Variants in OR51B5 observed in about 807,000 individuals in gnomAD.
OR51B5 encodes the protein olfactory receptor 51B5.
For missense variants in OR51B5, 456 were observed against 374.6 expected (o/e 1.22, Z -1.79); for synonymous variants, 186 against 144.8 (o/e 1.28, Z -2.04).
chr11:5,437,469 A>G (rs148228005), intron 1 of OR51B5, among the ~76,000 whole-genome samples: 1 of 152,262 alleles, frequency 6.6e-6, no homozygotes, highest in Non-Finnish European at 1.5e-5. Context: ...TCCCACTCCC[A>G]TGGTCTGCCA....
chr11:5,429,340 A>C (rs1850498065), intron 1 of OR51B5, among the ~76,000 whole-genome samples: 1 of 152,166 alleles, frequency 6.6e-6, no homozygotes, highest in African/African-American at 2.4e-5. Context: ...TGGAAGAACC[A>C]ATCAGTGACT....
intron 1 of OR51B5, among the ~76,000 whole-genome samples, chr11:5,480,647 T>C (rs901520453): frequency 4.6e-5 from 7 of 151,136 alleles, no homozygotes; most frequent in Admixed American, 1.3e-4. Flanking sequence ...AAGAATCAAA[T>C]AGATGCAATA....
chr11:5,481,844 G>T (rs1188931715), intron 1 of OR51B5, among the ~76,000 whole-genome samples: 8 of 140,178 alleles, frequency 5.7e-5, no homozygotes, highest in East Asian at 2.2e-4. Context: ...CACTGCTCAA[G>T]GAAATAAAAG....
chr11:5,441,176 C>T (rs763290743), intron 1 of OR51B5: 3 of 1,613,428 alleles, frequency 1.9e-6, no homozygotes, highest in Admixed American at 1.7e-5. Context: ...GTATGCCTGA[C>T]TCCATGAAGG....
At chr11:5,419,974 A>G (rs186960794) in intron 1 of OR51B5, among the ~76,000 whole-genome samples, 2 of 151,570 alleles carry the variant, frequency 1.3e-5, no homozygotes, top group Admixed American at 6.6e-5. Context: ...TTACATTTCA[A>G]TGTGCTTAAT....
At chr11:5,352,574 T>C in intron 1 of OR51B5, 1 of 637,910 alleles carries the variant, frequency 1.6e-6, no homozygotes. Context: ...TCAGTGGAAA[T>C]CAGTCAATCC....
At chr11:5,400,326 T>C (rs1313262715) in intron 1 of OR51B5, among the ~76,000 whole-genome samples, 30 of 152,176 alleles carry the variant, frequency 2.0e-4, no homozygotes, top group Non-Finnish European at 1.5e-5. Context: ...ATAGCAAAAA[T>C]ATGAAAAAAT....
At chr11:5,491,439 C>A (rs963714198) in intron 1 of OR51B5, among the ~76,000 whole-genome samples, 1 of 152,164 alleles carries the variant, frequency 6.6e-6, no homozygotes, top group African/African-American at 2.4e-5. Flanking sequence ...ACAGTCATGT[C>A]TTGGCCCAGA....
At position 5,342,834 on chromosome 11, in the gene OR51B5, C is replaced by A. The variant is rs780575607; in HGVS notation, c.691G>T (p.Glu231Ter). 6.2e-7 allele frequency: 1 copy of A among 1,612,570 alleles called. No homozygotes were observed. The highest frequency in any genetic ancestry group is 8.5e-7 in the Non-Finnish European group (1 of 1,178,740). ...CAGGTAATGAGAGCCTTGGCCCTCT[C>A]CTCTCTGGAGGCAATGCTCAGGACA... Residue 231 changes from glutamate (E) to a stop codon, truncating the protein, a stop_gained, in exon 1 of 1, where the codon GAG (glutamate) becomes TAG (stop). Coordinates refer to ENST00000300773, the Ensembl canonical transcript of OR51B5. LOFTEE classifies it low-confidence loss of function (END_TRUNC).
At chr11:5,376,735 A>G (rs1849534688) in intron 1 of OR51B5, among the ~76,000 whole-genome samples, 3 of 151,968 alleles carry the variant, frequency 2.0e-5, no homozygotes. Context: ...TCCTGGACAC[A>G]TACACTATCC....
At chr11:5,383,379 A>G (rs1849640093) in intron 1 of OR51B5, among the ~76,000 whole-genome samples, 1 of 152,198 alleles carries the variant, frequency 6.6e-6, no homozygotes. Flanking sequence ...AAATGAGTGC[A>G]GGAGTGAGAG....
intron 1 of OR51B5, among the ~76,000 whole-genome samples, chr11:5,357,151 A>G (rs999521867): frequency 6.6e-6 from 1 of 152,192 alleles, no homozygotes; most frequent in Non-Finnish European, 1.5e-5. Context: ...TAAATGGGCT[A>G]AATGCTCCAG....
chr11:5,408,240 T>G (rs562557352), intron 1 of OR51B5, among the ~76,000 whole-genome samples: 2 of 152,244 alleles, frequency 1.3e-5, no homozygotes, highest in South Asian at 4.1e-4. Flanking sequence ...TCCTCATCCT[T>G]TAATTTTATC....
intron 1 of OR51B5, among the ~76,000 whole-genome samples, chr11:5,423,599 T>C (rs1273200319): frequency 3.3e-5 from 5 of 152,168 alleles, no homozygotes; most frequent in East Asian, 1.9e-4. Flanking sequence ...TCACGGGTGA[T>C]TGGACTTTCC....
intron 1 of OR51B5, among the ~76,000 whole-genome samples, chr11:5,493,228 C>T (rs376085): frequency 0.13 from 19,278 of 152,162 alleles, 1,395 homozygotes; most frequent in East Asian, 0.21. Context: ...TCCACCCCAT[C>T]TCACTGGGGT....
At chr11:5,461,092 C>G (rs945188747) in intron 1 of OR51B5, among the ~76,000 whole-genome samples, 2 of 151,962 alleles carry the variant, frequency 1.3e-5, no homozygotes, top group Non-Finnish European at 2.9e-5. Context: ...CTGGCTGCAG[C>G]TGGGGGGCTG....
intron 1 of OR51B5, among the ~76,000 whole-genome samples, chr11:5,445,942 C>A (rs1374087371): frequency 6.6e-6 from 1 of 152,002 alleles, no homozygotes; most frequent in African/African-American, 2.4e-5. Flanking sequence ...ATGCTGAGTT[C>A]ATGTCCTTTG....
At chr11:5,352,473 A>C (rs909166678) in intron 1 of OR51B5, 6 of 1,428,224 alleles carry the variant, frequency 4.2e-6, no homozygotes, top group Middle Eastern at 1.8e-4. Flanking sequence ...TCTGAGGAAT[A>C]ATTCAGGGGA....
chr11:5,465,619 A>G lies in OR51B5; in HGVS notation n.84+39950T>C, dbSNP rs372670709. ...TGGTACCAAAACAGAGATATAGATC[A>G]ATGGAACAGAACAGAGCCCTCAGAA... On this transcript the variant is annotated intron_variant and non_coding_transcript_variant, in intron 1 of 4. Coordinates refer to the OR51B5 transcript ENST00000415970. Among the ~76,000 whole-genome samples, 20 of 144,702 alleles carry G rather than the reference A, an allele frequency of 1.4e-4. 1 individual carries two copies. In the South Asian group the frequency reaches 4.0e-3, roughly 29 times the overall value. 94.9% of individuals were successfully genotyped at this position (144,702 alleles called of 152,430 possible).
Sources: gnomAD v4.1 joint callset for allele counts (sites outside exome capture counted in the v4.1 genomes callset) on GRCh38, gnomAD v4.1.1 for gene constraint, MANE v1.5 for transcripts, NCBI Gene and HGNC (gene_info 2026-07-23, HGNC 2026-07-21) for gene names.